Variants in STIM2 observed in about 807,000 individuals in gnomAD.
STIM2 encodes the protein stromal interaction molecule 2.
In STIM2, 31 loss-of-function variants were observed where a neutral mutation model predicts 85.8. That is an observed-to-expected ratio of 0.36 (90% CI 0.27 to 0.49). STIM2 has a LOEUF of 0.49. Ranked by LOEUF, STIM2 falls within the 20% of genes least tolerant of loss-of-function variation. STIM2 has a pLI of 0.98. For missense variants in STIM2, 841 were observed against 927.6 expected, an observed-to-expected ratio of 0.91 and a Z score of 1.21; for synonymous variants, 356 against 331.1, an observed-to-expected ratio of 1.08 and a Z score of -0.82.
intron 11 of STIM2, chr4:27,019,667 G>GT (rs1728850844): frequency 2.7e-6 from 1 of 372,420 alleles, no homozygotes; most frequent in Admixed American, 4.0e-5. Context: ...AAATAATAAT[G>GT]TTGAATATTT....
Position 27,007,696 on chromosome 4 carries a change from A to T in STIM2, c.1145A>T (p.Asp382Val). The change falls in exon 8 of 12, where the codon GAT (aspartate) becomes GTT (valine). Residue 382 changes from aspartate to valine, a missense_variant. Transcript: ENST00000467087. ...GAAATGCAGCTAGCTATTGCTAAAG[A>T]TGAGGTACTCTCTTGTATTTCAAAA... 6.4e-7 allele frequency: 1 copy of T among 1,567,318 alleles called. No homozygotes were observed.
chr4:26,911,198 C>T (rs528547818), intron 1 of STIM2, among the ~76,000 whole-genome samples: 3 of 151,622 alleles, frequency 2.0e-5, no homozygotes, highest in African/African-American at 7.3e-5. Flanking sequence ...GATCATGCCA[C>T]TGCACTCTAG....
At chr4:26,880,400 T>G (rs1722960657) in intron 1 of STIM2, among the ~76,000 whole-genome samples, 1 of 152,044 alleles carries the variant, frequency 6.6e-6, no homozygotes, top group African/African-American at 2.4e-5. Flanking sequence ...GTTAATTTCC[T>G]TTATAATACT....
chr4:26,885,149 C>A (rs937696959), intron 1 of STIM2, among the ~76,000 whole-genome samples: 8 of 151,306 alleles, frequency 5.3e-5, no homozygotes, highest in African/African-American at 1.7e-4. Context: ...TTCCACTGTT[C>A]ATGTTCAACC....
intron 1 of STIM2, among the ~76,000 whole-genome samples, chr4:26,891,203 T>C (rs531109713): frequency 6.6e-6 from 1 of 152,346 alleles, no homozygotes; most frequent in African/African-American, 2.4e-5. Flanking sequence ...AATTTGTAGA[T>C]ATGATTAGTA....
chr4:27,017,135 A>G (rs189101911), intron 10 of STIM2, among the ~76,000 whole-genome samples: 41 of 152,352 alleles, frequency 2.7e-4, no homozygotes, highest in African/African-American at 8.4e-4. Flanking sequence ...ATGAGTCTCA[A>G]CTGAGACTGG....
intron 3 of STIM2, among the ~76,000 whole-genome samples, chr4:26,977,847 G>A (rs1182439517): frequency 6.6e-6 from 1 of 152,212 alleles, no homozygotes; most frequent in Non-Finnish European, 1.5e-5. Flanking sequence ...AGGTCAAGAA[G>A]TAGAGGAGGA....
rs916582001 is a variant in STIM2, at chr4:26,975,618, C to T, written c.397+17892C>T. Among the ~76,000 whole-genome samples, 12 of 152,300 alleles carry T rather than the reference C, an allele frequency of 7.9e-5. 1 individual carries two copies. Among genetic ancestry groups the T allele is most frequent in the Middle Eastern group, 6.8e-3 (2 of 294 alleles). Reference sequence around the variant, plus strand: ...CAAATATTGCTGCCTGATCCTTTCTCTGGAAGCTTCGTCCCACAGGAGCAG... The same window carrying T: ...CAAATATTGCTGCCTGATCCTTTCTTTGGAAGCTTCGTCCCACAGGAGCAG... On this transcript the variant is annotated intron_variant, in intron 3 of 11. Coordinates refer to ENST00000467087, the MANE Select transcript of STIM2 (RefSeq NM_020860.4).
intron 1 of STIM2, among the ~76,000 whole-genome samples, chr4:26,871,704 C>CTTTT (rs35869869): frequency 1.5e-5 from 2 of 129,522 alleles, no homozygotes; most frequent in Non-Finnish European, 1.6e-5. Flanking sequence ...TGTTTTCACC[C>CTTTT]TTTTTTTTTT....
At chr4:26,913,999 C>G (rs1577434630) in intron 1 of STIM2, among the ~76,000 whole-genome samples, 2 of 152,230 alleles carry the variant, frequency 1.3e-5, no homozygotes, top group Middle Eastern at 6.8e-3. Flanking sequence ...AAGACAGCCT[C>G]TGAGGAGGAT....
intron 3 of STIM2, among the ~76,000 whole-genome samples, chr4:26,976,615 C>T (rs1049666294): frequency 3.3e-5 from 5 of 151,848 alleles, no homozygotes; most frequent in African/African-American, 1.2e-4. Context: ...TGAGACCAGC[C>T]TGGCCAACAT....
intron 3 of STIM2, among the ~76,000 whole-genome samples, chr4:26,970,199 G>GTATATA (rs67648567): frequency 3.3e-5 from 3 of 91,140 alleles, no homozygotes; most frequent in African/African-American, 1.1e-4. Flanking sequence ...TAGTGTGTGT[G>GTATATA]TATATATATA....
chr4:26,916,688 A>ACTACAGACATATG (rs1724594114), intron 1 of STIM2, among the ~76,000 whole-genome samples: 1 of 151,774 alleles, frequency 6.6e-6, no homozygotes, highest in Admixed American at 6.6e-5. Flanking sequence ...GTATGTTGGT[A>ACTACAGACATATG]TCTTTGTACT....
chr4:26,968,298 T>C (rs959749865), intron 3 of STIM2, among the ~76,000 whole-genome samples: 3 of 152,100 alleles, frequency 2.0e-5, no homozygotes, highest in African/African-American at 4.8e-5. Context: ...CAAGTGTCCA[T>C]TGATGAATGA....
rs189146585 is a variant in STIM2, at chr4:26,918,688, C to T, written c.152-816C>T. On this transcript the variant is annotated intron_variant, in intron 1 of 11. Transcript: ENST00000467087. ...AAGTGAAGCTGCGGCAGTACTTTCC[C>T]ATTTTGGTATATAGGTTGTTAGCTA... Among the ~76,000 whole-genome samples, 21 of 152,278 alleles carry T rather than the reference C, an allele frequency of 1.4e-4. No homozygotes were observed. In the East Asian group the frequency reaches 2.9e-3, roughly 21 times the overall value.
At chr4:27,019,315 C>A (rs1577501407) in intron 11 of STIM2, 1 of 696,406 alleles carries the variant, frequency 1.4e-6, no homozygotes, top group Non-Finnish European at 2.2e-6. Flanking sequence ...ATAATGCAGG[C>A]TTTATATCTT....
intron 2 of STIM2, among the ~76,000 whole-genome samples, chr4:26,951,862 T>C (rs1303037144): frequency 6.6e-6 from 1 of 152,166 alleles, no homozygotes; most frequent in Non-Finnish European, 1.5e-5. Context: ...AAGTAATGGA[T>C]GGCAAGAAAC....
intron 1 of STIM2, among the ~76,000 whole-genome samples, chr4:26,872,778 G>A (rs2109029840): frequency 6.6e-6 from 1 of 152,286 alleles, no homozygotes; most frequent in Admixed American, 6.5e-5. Context: ...TGCTATTGAG[G>A]AACAAGAGAG....
intron 1 of STIM2, among the ~76,000 whole-genome samples, chr4:26,883,811 G>C (rs1421244713): frequency 6.6e-6 from 1 of 152,214 alleles, no homozygotes; most frequent in Non-Finnish European, 1.5e-5. Flanking sequence ...TACAGTGTTA[G>C]AGTGTGTAGC....
Sources: gnomAD v4.1 joint callset for allele counts (sites outside exome capture counted in the v4.1 genomes callset) on GRCh38, gnomAD v4.1.1 for gene constraint, MANE v1.5 for transcripts, NCBI Gene and HGNC (gene_info 2026-07-23, HGNC 2026-07-21) for gene names.